Variants in SMAD1 observed in about 807,000 individuals in gnomAD.
SMAD1 encodes the protein SMAD family member 1, also known as MAD, mothers against decapentaplegic homolog 1.
Under a neutral mutation model 41.6 loss-of-function variants are expected in SMAD1, and 6 were observed. The ratio of observed to expected loss-of-function variants is 0.14; its 90% CI spans 0.08 to 0.28. SMAD1 has a LOEUF of 0.28. Among genes scored for constraint, SMAD1 ranks in the 10% least tolerant of loss-of-function variants. The pLI is 1.00. For missense variants in SMAD1, 379 were observed against 582.6 expected (o/e 0.65, Z 3.60); for synonymous variants, 206 against 203.2 (o/e 1.01, Z -0.12).
rs1732995113 is a variant in SMAD1, at chr4:145,559,024, T to C, written c.*1090T>C. ...GAATTCATTTCAAACTTTTTAAATT[T>C]TTTTGTACTATGTTTGGTTTTATTT... On this transcript the variant is annotated 3_prime_UTR_variant, in exon 7 of 7. Transcript: ENST00000302085. 6.6e-6 allele frequency among the ~76,000 whole-genome samples: 1 copy of C among 152,206 alleles called. No individual in the cohort carries two copies. Among genetic ancestry groups the C allele is most frequent in the Non-Finnish European group, 1.5e-5 (1 of 68,030 alleles).
intron 2 of SMAD1, among the ~76,000 whole-genome samples, chr4:145,532,632 G>A (rs564008521): frequency 2.0e-5 from 3 of 152,214 alleles, no homozygotes; most frequent in Non-Finnish European, 4.4e-5. Context: ...AATAGGAGCA[G>A]CCCTTAAAGA....
intron 2 of SMAD1, among the ~76,000 whole-genome samples, chr4:145,525,508 AT>A (rs1355993620): frequency 6.6e-6 from 1 of 151,810 alleles, no homozygotes; most frequent in East Asian, 1.9e-4. Flanking sequence ...AAACCCCCAC[AT>A]TTTGTTAATT....
chr4:145,536,875 A>G (rs1423042342), intron 2 of SMAD1, among the ~76,000 whole-genome samples: 1 of 152,158 alleles, frequency 6.6e-6, no homozygotes. Context: ...AGGCAGACAC[A>G]TCGTGTGCTT....
chr4:145,555,199 A>G (rs1486898635), intron 6 of SMAD1, among the ~76,000 whole-genome samples: 3 of 152,186 alleles, frequency 2.0e-5, no homozygotes, highest in African/African-American at 7.2e-5. Flanking sequence ...AGGTTAACCT[A>G]TATGTTATGT....
intron 2 of SMAD1, among the ~76,000 whole-genome samples, chr4:145,530,609 T>G (rs1297514593): frequency 1.3e-5 from 2 of 152,204 alleles, no homozygotes; most frequent in Non-Finnish European, 1.5e-5. Context: ...CATTTATCTA[T>G]GTCAAATTAT....
chr4:145,548,206 A>T (rs1244252002), intron 5 of SMAD1, among the ~76,000 whole-genome samples: 1 of 146,818 alleles, frequency 6.8e-6, no homozygotes, highest in Admixed American at 6.6e-5. Flanking sequence ...ACTTCATTTT[A>T]TTTATTTATT....
At chr4:145,539,171 A>C (rs1731783955) in intron 2 of SMAD1, among the ~76,000 whole-genome samples, 1 of 152,194 alleles carries the variant, frequency 6.6e-6, no homozygotes, top group African/African-American at 2.4e-5. Context: ...TCCTTAGAAA[A>C]AAGATGTTCA....
chr4:145,547,289 C>G (rs779235770), intron 5 of SMAD1, among the ~76,000 whole-genome samples: 58 of 143,688 alleles, frequency 4.0e-4, no homozygotes, highest in Non-Finnish European at 8.3e-4. Flanking sequence ...AATACCATAA[C>G]TCAGTAAATA....
At chr4:145,513,561 A>G (rs967535516) in intron 1 of SMAD1, among the ~76,000 whole-genome samples, 21 of 152,096 alleles carry the variant, frequency 1.4e-4, no homozygotes, top group African/African-American at 3.6e-4. Flanking sequence ...TTCCTATCCT[A>G]TTTGTCCTGT....
chr4:145,546,048 A>G (rs778560861), intron 4 of SMAD1: 3 of 152,506 alleles, frequency 2.0e-5, no homozygotes, highest in Non-Finnish European at 4.4e-5. Context: ...GGAAGTTAGC[A>G]TGAAATCTGG....
chr4:145,549,674 A>G (rs1370379451), intron 5 of SMAD1, among the ~76,000 whole-genome samples: 1 of 152,232 alleles, frequency 6.6e-6, no homozygotes, highest in Non-Finnish European at 1.5e-5. Context: ...GAAATTTAGA[A>G]CAGTGGACCA....
Position 145,499,675 on chromosome 4 carries a change from T to G in SMAD1, c.-176-14763T>G, listed in dbSNP as rs1043035728. Reference sequence around the variant, plus strand: ...GGTGTAGATGAAACATACATTAATTTTATGTTTAGACTTGGGTCCCATCCC... The same window carrying G: ...GGTGTAGATGAAACATACATTAATTGTATGTTTAGACTTGGGTCCCATCCC... On this transcript the variant is annotated intron_variant, in intron 1 of 6. Coordinates refer to ENST00000302085, the MANE Select transcript of SMAD1 (RefSeq NM_005900.3). 2.2e-4 allele frequency among the ~76,000 whole-genome samples: 33 copies of G among 152,252 alleles called. No homozygotes were observed. In the East Asian group the frequency reaches 2.9e-3, roughly 13 times the overall value.
At chr4:145,490,637 T>C (rs541407352) in intron 1 of SMAD1, among the ~76,000 whole-genome samples, 4 of 152,330 alleles carry the variant, frequency 2.6e-5, no homozygotes, top group African/African-American at 9.6e-5. Flanking sequence ...CAACACTTAC[T>C]TGTTTTATAA....
At position 145,482,202 on chromosome 4, in the gene SMAD1, T is replaced by C. The variant is rs1728217531; in HGVS notation, c.-177+164T>C. Among the ~76,000 whole-genome samples the C allele has an allele frequency of 6.7e-6, 1 of 150,180 alleles. No homozygotes were observed. Among genetic ancestry groups the C allele is most frequent in the Non-Finnish European group, 1.5e-5 (1 of 67,624 alleles). ...CGGGCAGCGGCGGGAAGGGGGCTCT[T>C]TCTGCGCGGGGCGGGCCGCGACCCC... is the stretch of plus-strand genomic sequence containing the variant. On this transcript the variant is annotated intron_variant, in intron 1 of 6. Transcript: ENST00000302085. This position sits in a 1 kb window ranked among gnomAD's most constrained non-coding sequence, Gnocchi z 4.2.
chr4:145,542,177 T>A (rs1731983690), intron 3 of SMAD1, among the ~76,000 whole-genome samples: 1 of 152,250 alleles, frequency 6.6e-6, no homozygotes. Flanking sequence ...ACCCTGAAGC[T>A]CCTTTTCTTA....
chr4:145,517,531 A>G (rs1730483930), intron 2 of SMAD1, among the ~76,000 whole-genome samples: 1 of 152,166 alleles, frequency 6.6e-6, no homozygotes, highest in Admixed American at 6.5e-5. Flanking sequence ...GCAAGATAGT[A>G]AATAAAGCTC....
intron 1 of SMAD1, among the ~76,000 whole-genome samples, chr4:145,507,590 A>C (rs1159563205): frequency 6.6e-6 from 1 of 151,282 alleles, no homozygotes; most frequent in Non-Finnish European, 1.5e-5. Flanking sequence ...ATATTTCCTT[A>C]GAGTAAATTT....
Position 145,542,663 on chromosome 4 carries a change from T to C in SMAD1, c.740T>C (p.Met247Thr), listed in dbSNP as rs1163799095. 27 of 1,612,936 alleles carry C rather than the reference T, an allele frequency of 1.7e-5. No homozygotes were observed. The highest frequency in any genetic ancestry group is 2.3e-5 in the Non-Finnish European group (27 of 1,179,574). Reference sequence around the variant, plus strand: ...TCTCAGCCGATGGACACAAACATGATGGCGCCTCCCCTGCCCTCAGAAATC... The same window carrying C: ...TCTCAGCCGATGGACACAAACATGACGGCGCCTCCCCTGCCCTCAGAAATC... Reference protein sequence around the residue: ...DGSQPMDTNMMAPPLPSEINR... With the variant: ...DGSQPMDTNMTAPPLPSEINR... The change falls in exon 4 of 7, where the codon ATG becomes ACG. Residue 247 changes from methionine to threonine, a missense_variant. Physicochemically the swap from Met to Thr is moderately conservative, Grantham distance 81. Transcript: ENST00000302085.
At chr4:145,556,970 G>A (rs756797778) in intron 6 of SMAD1, among the ~76,000 whole-genome samples, 17 of 152,068 alleles carry the variant, frequency 1.1e-4, no homozygotes, top group African/African-American at 3.1e-4. Context: ...GAGCCACCGC[G>A]CCTGGCCCCA....
Sources: allele counts gnomAD v4.1 joint callset (sites outside exome capture counted in the v4.1 genomes callset), GRCh38; gene constraint gnomAD v4.1.1; non-coding constraint Gnocchi (gnomAD v3.1); transcripts MANE v1.5; gene names NCBI Gene and HGNC (gene_info 2026-07-23, HGNC 2026-07-21).